NOL4: variants seen among roughly 807,000 people sequenced by gnomAD.
The protein encoded by NOL4 is cancer/testis antigen 125.
In NOL4, 17 loss-of-function variants were observed where a neutral mutation model predicts 75.9. The ratio of observed to expected loss-of-function variants is 0.22; its 90% CI spans 0.15 to 0.34. NOL4 has a LOEUF of 0.34. Among genes scored for constraint, NOL4 ranks in the 10% least tolerant of loss-of-function variants. NOL4 has a pLI of 1.00. For missense variants in NOL4, 614 were observed against 793.5 expected (o/e 0.77, Z 2.72); for synonymous variants, 292 against 289.9 (o/e 1.01, Z -0.07).
intron 6 of NOL4, among the ~76,000 whole-genome samples, chr18:34,016,437 G>A (rs1029308416): frequency 1.3e-5 from 2 of 151,936 alleles, no homozygotes. Flanking sequence ...TAGACAATCC[G>A]AAGTCCTTAA....
intron 8 of NOL4, among the ~76,000 whole-genome samples, chr18:33,948,017 T>A (rs1345057794): frequency 6.6e-6 from 1 of 151,912 alleles, no homozygotes; most frequent in Non-Finnish European, 1.5e-5. Flanking sequence ...TGAAATAACT[T>A]TAGAGTCCTC....
intron 9 of NOL4, among the ~76,000 whole-genome samples, chr18:33,909,957 A>G (rs1043808739): frequency 6.6e-6 from 1 of 152,216 alleles, no homozygotes. Context: ...ATGTAAACCG[A>G]TAAGCCATCA....
chr18:34,127,044 T>C (rs1319024492), intron 2 of NOL4, among the ~76,000 whole-genome samples: 1 of 151,818 alleles, frequency 6.6e-6, no homozygotes, highest in East Asian at 1.9e-4. Context: ...AAAAAAAAAT[T>C]ATGATTGCCT....
At chr18:33,941,238 T>C (rs2068458248) in intron 9 of NOL4, among the ~76,000 whole-genome samples, 1 of 152,024 alleles carries the variant, frequency 6.6e-6, no homozygotes, top group Non-Finnish European at 1.5e-5. Flanking sequence ...CTGGATCAAA[T>C]ATCAGCTGAT....
At chr18:34,066,961 T>C (rs1568298515) in intron 5 of NOL4, among the ~76,000 whole-genome samples, 1 of 152,100 alleles carries the variant, frequency 6.6e-6, no homozygotes. Context: ...CATTTAAAAA[T>C]ACCTTTATAC....
chr18:34,091,909 G>A (rs1350089169), intron 5 of NOL4, among the ~76,000 whole-genome samples: 1 of 152,068 alleles, frequency 6.6e-6, no homozygotes, highest in African/African-American at 2.4e-5. Flanking sequence ...TTATTCTACT[G>A]CATTTGATTA....
chr18:34,005,732 A>G (rs188797629), intron 6 of NOL4, among the ~76,000 whole-genome samples: 7 of 152,052 alleles, frequency 4.6e-5, no homozygotes, highest in Admixed American at 1.3e-4. Context: ...ATGCTTACAT[A>G]CTTCGATGAT....
intron 5 of NOL4, among the ~76,000 whole-genome samples, chr18:34,081,930 T>C (rs1322711914): frequency 1.3e-5 from 2 of 152,162 alleles, no homozygotes; most frequent in Non-Finnish European, 2.9e-5. Context: ...TTTAGAGAGC[T>C]AGACAGAACC....
intron 9 of NOL4, among the ~76,000 whole-genome samples, chr18:33,932,993 T>C (rs1173712578): frequency 6.6e-6 from 1 of 152,082 alleles, no homozygotes; most frequent in African/African-American, 2.4e-5. Context: ...AGATAAAGTA[T>C]ACATGTTACA....
At chr18:34,009,180 C>A (rs1240326748) in intron 6 of NOL4, among the ~76,000 whole-genome samples, 1 of 151,732 alleles carries the variant, frequency 6.6e-6, no homozygotes, top group Non-Finnish European at 1.5e-5. Flanking sequence ...AGAGATAAGA[C>A]ATCCTAGAAT....
intron 2 of NOL4, among the ~76,000 whole-genome samples, chr18:34,110,504 T>G (rs1160700357): frequency 1.3e-5 from 2 of 152,144 alleles, no homozygotes; most frequent in African/African-American, 2.4e-5. Flanking sequence ...ATTAAAACTC[T>G]TAACAAATAT....
At chr18:33,966,085 A>T (rs543958550) in intron 6 of NOL4, among the ~76,000 whole-genome samples, 1 of 152,252 alleles carries the variant, frequency 6.6e-6, no homozygotes, top group East Asian at 1.9e-4. Flanking sequence ...TAACTTATTC[A>T]ACAACATTTA....
At chr18:33,888,227 G>C (rs1237011863) in intron 9 of NOL4, among the ~76,000 whole-genome samples, 1 of 152,280 alleles carries the variant, frequency 6.6e-6, no homozygotes, top group Middle Eastern at 3.4e-3. Flanking sequence ...CTTCTTTTGA[G>C]AAGTGTCTGT....
chr18:34,002,200 GTATAATT>G (rs1030708944), intron 6 of NOL4, among the ~76,000 whole-genome samples: 14 of 151,972 alleles, frequency 9.2e-5, no homozygotes, highest in Admixed American at 9.2e-4. Context: ...AAATTTATAA[GTATAATT>G]TATAAGGACT....
chr18:33,979,830 A>C (rs2071803744), intron 6 of NOL4, among the ~76,000 whole-genome samples: 1 of 152,062 alleles, frequency 6.6e-6, no homozygotes, highest in Non-Finnish European at 1.5e-5. Context: ...TTTGAATTTT[A>C]GAATTATGGA....
chr18:33,918,189 C>G (rs1266751648), intron 9 of NOL4, among the ~76,000 whole-genome samples: 1 of 152,120 alleles, frequency 6.6e-6, no homozygotes, highest in African/African-American at 2.4e-5. Flanking sequence ...TAGATTCATG[C>G]CAAGAGGGGG....
At chr18:34,056,512 T>G (rs1237453754) in intron 5 of NOL4, among the ~76,000 whole-genome samples, 1 of 152,168 alleles carries the variant, frequency 6.6e-6, no homozygotes, top group Non-Finnish European at 1.5e-5. Context: ...ACCGCTTGCC[T>G]CTTTTTTCAG....
At chr18:34,073,357 TG>T (rs34155579) in intron 5 of NOL4, among the ~76,000 whole-genome samples, 2 of 151,946 alleles carry the variant, frequency 1.3e-5, no homozygotes, top group Non-Finnish European at 2.9e-5. Context: ...TTGGTCTCTG[TG>T]GGGGAACTGG....
intron 1 of NOL4, among the ~76,000 whole-genome samples, chr18:34,216,824 A>G (rs2036922082): frequency 6.6e-6 from 1 of 151,960 alleles, no homozygotes. Flanking sequence ...AATCTTTTCC[A>G]TTAACTTCAG....
Sources: allele counts gnomAD v4.1 joint callset (sites outside exome capture counted in the v4.1 genomes callset), GRCh38; gene constraint gnomAD v4.1.1; transcripts MANE v1.5; gene names NCBI Gene and HGNC (gene_info 2026-07-23, HGNC 2026-07-21).